Variants in CRTC3 observed in about 807,000 individuals in gnomAD.
CRTC3 encodes the protein CREB-regulated transcription coactivator 3.
Under a neutral mutation model 74.5 loss-of-function variants are expected in CRTC3, and 26 were observed. The observed-to-expected ratio is 0.35, with a 90% CI of 0.26 to 0.48. The LOEUF (loss-of-function observed/expected upper bound fraction) is 0.48, where lower values mean the gene tolerates loss of function less well. CRTC3 is among the 20% of genes least tolerant of loss of function. CRTC3 has a pLI of 0.99. For missense variants in CRTC3, 760 were observed against 787.3 expected, an observed-to-expected ratio of 0.97 and a Z score of 0.41; for synonymous variants, 377 against 325.8, an observed-to-expected ratio of 1.16 and a Z score of -1.69.
At chr15:90,534,317 CTGAGTTTGAGG>C (rs1966682186) in intron 1 of CRTC3, among the ~76,000 whole-genome samples, 1 of 152,096 alleles carries the variant, frequency 6.6e-6, no homozygotes, top group African/African-American at 2.4e-5. Flanking sequence ...TGCGGAAATG[CTGAGTTTGAGG>C]TGCCTGTGAG....
intron 1 of CRTC3, among the ~76,000 whole-genome samples, chr15:90,538,852 G>A (rs932671515): frequency 1.3e-5 from 2 of 149,820 alleles, no homozygotes; most frequent in Admixed American, 6.7e-5. Flanking sequence ...TGGCAGAAAT[G>A]GGCATATGGG....
chr15:90,564,355 G>A (rs1389999929), intron 2 of CRTC3, among the ~76,000 whole-genome samples: 1 of 152,142 alleles, frequency 6.6e-6, no homozygotes, highest in African/African-American at 2.4e-5. Context: ...TTAACCCTAT[G>A]ACATCATTAG....
At chr15:90,629,170 A>T in intron 10 of CRTC3, 64 bp from the exon 11 acceptor site, 1 of 1,500,456 alleles carries the variant, frequency 6.7e-7, no homozygotes, top group South Asian at 1.2e-5. Flanking sequence ...GTTTTCTTTC[A>T]TTTTTGGAAT....
intron 3 of CRTC3, chr15:90,596,525 A>G (rs75767712): frequency 6.6e-6 from 1 of 152,224 alleles, no homozygotes; most frequent in Admixed American, 6.5e-5. Context: ...TTCACTGATC[A>G]TGAGCCATGT....
chr15:90,627,601 A>C (rs1968883037), intron 10 of CRTC3, among the ~76,000 whole-genome samples: 1 of 151,922 alleles, frequency 6.6e-6, no homozygotes, highest in Admixed American at 6.6e-5. Flanking sequence ...TGTCAGAACC[A>C]ATGTCAGTTT....
chr15:90,531,068 C>G (rs143314553), intron 1 of CRTC3, among the ~76,000 whole-genome samples: 1 of 150,732 alleles, frequency 6.6e-6, no homozygotes, highest in African/African-American at 2.5e-5. Flanking sequence ...TCTGCAGATT[C>G]TGGGGGACTG....
chr15:90,625,815 C>T lies in CRTC3; in HGVS notation c.789C>T (p.Pro263=), dbSNP rs765489753. ...ATGGTCAAAACCTAGGCCTCTCACC[C>T]TTCTTGGGGACCTTGAACACTGGAG... ...PHNGQNLGLS[P]FLGTLNTGGS... Residue 263 remains proline (P), a synonymous_variant, in exon 10 of 15, where the codon CCC becomes CCT. Transcript: ENST00000268184. The T allele has an allele frequency of 6.2e-7, 1 of 1,614,238 alleles. No individual in the cohort carries two copies. The highest frequency in any genetic ancestry group is 8.5e-7 in the Non-Finnish European group (1 of 1,180,024).
intron 14 of CRTC3, 113 bp downstream of exon 14, chr15:90,641,312 C>G (rs1969433456): frequency 6.7e-6 from 5 of 745,252 alleles, no homozygotes; most frequent in Non-Finnish European, 1.1e-5. Context: ...AGTTAACGTT[C>G]CCTGGGTCGA....
At chr15:90,632,598 G>T (rs1969079258) in intron 11 of CRTC3, among the ~76,000 whole-genome samples, 1 of 151,976 alleles carries the variant, frequency 6.6e-6, no homozygotes, top group Non-Finnish European at 1.5e-5. Flanking sequence ...TAATCTCTTT[G>T]GTATAACCAT....
chr15:90,606,359 C>T (rs1045338202), intron 5 of CRTC3, among the ~76,000 whole-genome samples: 11 of 152,160 alleles, frequency 7.2e-5, no homozygotes, highest in African/African-American at 2.7e-4. Flanking sequence ...GTCGGGAGTT[C>T]GAGACCAGCC....
intron 13 of CRTC3, 150 bp downstream of exon 13, chr15:90,638,965 T>C: frequency 1.4e-6 from 1 of 694,184 alleles, no homozygotes; most frequent in Non-Finnish European, 2.5e-6. Flanking sequence ...TTTCATCTTC[T>C]TTGGCCCTAA....
chr15:90,611,856 G>A (rs906277368), intron 6 of CRTC3, among the ~76,000 whole-genome samples: 2 of 152,088 alleles, frequency 1.3e-5, no homozygotes, highest in African/African-American at 4.8e-5. Context: ...AGTCTCTGAA[G>A]CTTAACTCTG....
chr15:90,564,384 C>T (rs1179640618), intron 2 of CRTC3, among the ~76,000 whole-genome samples: 1 of 152,138 alleles, frequency 6.6e-6, no homozygotes, highest in Non-Finnish European at 1.5e-5. Context: ...GTAGCTGCTC[C>T]TTTGCCTTCA....
At chr15:90,593,147 C>T (rs1967840142) in intron 2 of CRTC3, among the ~76,000 whole-genome samples, 2 of 152,072 alleles carry the variant, frequency 1.3e-5, no homozygotes, top group African/African-American at 2.4e-5. Flanking sequence ...AGCAAGACTC[C>T]ATCTCAAAAA....
intron 2 of CRTC3, among the ~76,000 whole-genome samples, chr15:90,559,136 G>C (rs1966959975): frequency 6.6e-6 from 1 of 152,148 alleles, no homozygotes; most frequent in Non-Finnish European, 1.5e-5. Flanking sequence ...GTTCACTGCT[G>C]TATTTCCAAA....
At chr15:90,613,564 T>C (rs1453103072) in intron 6 of CRTC3, 2 of 152,250 alleles carry the variant, frequency 1.3e-5, no homozygotes, top group Non-Finnish European at 2.9e-5. Flanking sequence ...CAGAAACTTA[T>C]TAAATATGGG....
chr15:90,588,718 A>G (rs1967726370), intron 2 of CRTC3, among the ~76,000 whole-genome samples: 1 of 152,156 alleles, frequency 6.6e-6, no homozygotes, highest in African/African-American at 2.4e-5. Context: ...TGGGAGGCTC[A>G]GAATGCTGGG....
chr15:90,628,157 C>G (rs1729230582), intron 10 of CRTC3, among the ~76,000 whole-genome samples: 1 of 151,518 alleles, frequency 6.6e-6, no homozygotes, highest in African/African-American at 2.4e-5. Flanking sequence ...ACGGAGCTTG[C>G]AGTGAGCTGA....
At chr15:90,604,946 T>G (rs1968175474) in intron 5 of CRTC3, among the ~76,000 whole-genome samples, 1 of 152,168 alleles carries the variant, frequency 6.6e-6, no homozygotes, top group Non-Finnish European at 1.5e-5. Flanking sequence ...GGGCCTTAGC[T>G]AATAGGTGAA....
Sources: allele counts gnomAD v4.1 joint callset (sites outside exome capture counted in the v4.1 genomes callset), GRCh38; gene constraint gnomAD v4.1.1; transcripts MANE v1.5; gene names NCBI Gene and HGNC (gene_info 2026-07-23, HGNC 2026-07-21).